Variants in ACOT7 observed in about 807,000 individuals in gnomAD.
ACOT7 encodes cytosolic acyl coenzyme A thioester hydrolase.
Under a neutral mutation model 40.2 loss-of-function variants are expected in ACOT7, and 12 were observed. The ratio of observed to expected loss-of-function variants is 0.30; its 90% CI spans 0.19 to 0.48. ACOT7 has a LOEUF of 0.48. Ranked by LOEUF, ACOT7 falls within the 20% of genes least tolerant of loss-of-function variation. The pLI, the probability that ACOT7 is intolerant of heterozygous loss-of-function variation, is 0.99. For synonymous variants in ACOT7, 228 were observed against 219.5 expected (o/e 1.04, Z -0.34); for missense variants, 395 against 530.8 (o/e 0.74, Z 2.51).
chr1:6,271,614 G>A (rs1411698634), intron 8 of ACOT7, among the ~76,000 whole-genome samples: 2 of 148,688 alleles, frequency 1.3e-5, no homozygotes, highest in Admixed American at 6.6e-5. Flanking sequence ...TCCGCCATCC[G>A]CTGTGGCCTC....
At chr1:6,300,705 C>T (rs992489910) in intron 6 of ACOT7, among the ~76,000 whole-genome samples, 6 of 127,948 alleles carry the variant, frequency 4.7e-5, no homozygotes, top group Admixed American at 3.7e-4. Context: ...CCCCTCCCCT[C>T]TCCACAAACA....
intron 1 of ACOT7, among the ~76,000 whole-genome samples, chr1:6,369,225 C>T (rs1264383370): frequency 2.6e-5 from 4 of 152,072 alleles, no homozygotes; most frequent in African/African-American, 9.7e-5. Flanking sequence ...AGGTGATCCA[C>T]CCACTTTGAC....
chr1:6,295,716 G>A (rs563142622), intron 6 of ACOT7, among the ~76,000 whole-genome samples: 2 of 152,314 alleles, frequency 1.3e-5, no homozygotes, highest in African/African-American at 4.8e-5. Flanking sequence ...AAACCCAGAA[G>A]AGGCAAGTCC....
chr1:6,351,378 G>A (rs998065722), intron 1 of ACOT7, among the ~76,000 whole-genome samples: 8 of 152,268 alleles, frequency 5.3e-5, no homozygotes, highest in South Asian at 4.1e-4. Context: ...GGCTTCTCAA[G>A]TGTTCATTTT....
In ACOT7 at chr1:6,311,232, C is replaced by G. The variant is rs953349584; in HGVS notation, c.712+7260G>C. ...GAGCAGAGTTAGTTTTTACTCAGAG[C>G]CGATGTGATCAGTAAACGTTGAGGT... On this transcript the variant is annotated intron_variant, in intron 6 of 8. Transcript: ENST00000361521. The surrounding 1 kb of genome is among the most constrained non-coding windows in gnomAD (Gnocchi z 5.2). Among the ~76,000 whole-genome samples, 1 of 152,180 alleles carries G rather than the reference C, an allele frequency of 6.6e-6. No homozygotes were observed. The highest frequency in any genetic ancestry group is 1.5e-5 in the Non-Finnish European group (1 of 68,030).
intron 6 of ACOT7, among the ~76,000 whole-genome samples, chr1:6,307,095 C>A (rs956597204): frequency 7.9e-5 from 12 of 152,212 alleles, no homozygotes; most frequent in Non-Finnish European, 1.6e-4. Flanking sequence ...TAGACACCTG[C>A]ATGGATGTTT....
At chr1:6,370,629 A>ACAGG (rs1170414698) in intron 1 of ACOT7, among the ~76,000 whole-genome samples, 4 of 150,976 alleles carry the variant, frequency 2.6e-5, no homozygotes, top group Non-Finnish European at 5.9e-5. Context: ...AGCTGGGATT[A>ACAGG]CAGGCATGCA....
intron 1 of ACOT7, among the ~76,000 whole-genome samples, chr1:6,375,436 C>T (rs562212420): frequency 4.0e-5 from 6 of 149,580 alleles, no homozygotes; most frequent in African/African-American, 1.5e-4. Context: ...GGGAGGTAGA[C>T]GCGGGCGGAT....
At chr1:6,323,737 A>ATATATAT (rs70981381) in intron 5 of ACOT7, among the ~76,000 whole-genome samples, 29 of 38,390 alleles carry the variant, frequency 7.6e-4, no homozygotes, top group Non-Finnish European at 1.3e-3. Context: ...AAAAAAAAAA[A>ATATATAT]ATATATATAT....
intron 7 of ACOT7, among the ~76,000 whole-genome samples, chr1:6,287,321 A>T (rs1639532684): frequency 6.6e-6 from 1 of 152,254 alleles, no homozygotes; most frequent in Admixed American, 6.5e-5. Flanking sequence ...CTGGTCCCAG[A>T]GACCAGCTGC....
chr1:6,313,811 C>CA (rs112424224), intron 6 of ACOT7, among the ~76,000 whole-genome samples: 15,171 of 142,020 alleles, frequency 0.11, 1,966 homozygotes, highest in African/African-American at 0.31. Flanking sequence ...ATTGTTAGTT[C>CA]AAAAAAAAAA....
intron 6 of ACOT7, chr1:6,295,288 C>A: frequency 4.2e-6 from 1 of 236,014 alleles, no homozygotes; most frequent in Non-Finnish European, 8.4e-6. Flanking sequence ...ACTGGGATGG[C>A]TGCAATCCTG....
intron 3 of ACOT7, among the ~76,000 whole-genome samples, chr1:6,334,672 T>TG (rs1332212394): frequency 6.6e-6 from 1 of 152,006 alleles, no homozygotes. Flanking sequence ...CAGAGCAAAG[T>TG]GGGGCTGCAG....
At position 6,368,827 on chromosome 1, in the gene ACOT7, T is replaced by C. The variant is rs575328429; in HGVS notation, c.144-18961A>G. On this transcript the variant is annotated intron_variant, in intron 1 of 8. Coordinates refer to ENST00000361521, the MANE Select transcript of ACOT7 (RefSeq NM_007274.4). ...CCACTGCTGCCACTGCTGCTGCCAC[T>C]GCTGCTCCCACAGCTGCTCCTGCCA... Among the ~76,000 whole-genome samples the C allele has an allele frequency of 3.9e-5, 6 of 152,178 alleles. No individual in the cohort carries two copies. In the South Asian group the frequency reaches 1.2e-3, roughly 32 times the overall value.
Position 6,333,570 on chromosome 1 carries a change from T to C in ACOT7, c.419-2A>G. On this transcript the variant is annotated splice_acceptor_variant, in intron 3 of 8. Transcript: ENST00000361521. LOFTEE classifies it high-confidence loss of function. ...CCTTATTGGTCAGCTTTTTGGCACC[T>C]TAAGAGAAGAAAATCACATTAAGTG... 1.2e-6 allele frequency: 2 copies of C among 1,614,140 alleles called. No individual in the cohort carries two copies. The highest frequency in any genetic ancestry group is 1.7e-6 in the Non-Finnish European group (2 of 1,179,972).
At chr1:6,365,637 G>A (rs903317854) in intron 1 of ACOT7, among the ~76,000 whole-genome samples, 6 of 151,630 alleles carry the variant, frequency 4.0e-5, no homozygotes, top group Admixed American at 1.3e-4. Context: ...GCATGGTAGT[G>A]GGCGCCTGTA....
chr1:6,310,919 G>C lies in ACOT7; in HGVS notation c.712+7573C>G, dbSNP rs1245760161. 1.3e-5 allele frequency among the ~76,000 whole-genome samples: 2 copies of C among 152,088 alleles called. 1 individual carries two copies. The highest frequency in any genetic ancestry group is 4.1e-4 in the South Asian group (2 of 4,828). On this transcript the variant is annotated intron_variant, in intron 6 of 8. Transcript: ENST00000361521. Reference sequence around the variant, plus strand: ...CACCTGGCTAATTTTTGTATTTTTAGTAGAGACGAGATTTCATCATGATGG... The same window carrying C: ...CACCTGGCTAATTTTTGTATTTTTACTAGAGACGAGATTTCATCATGATGG...
intron 5 of ACOT7, among the ~76,000 whole-genome samples, chr1:6,321,187 C>T (rs555730243): frequency 3.9e-5 from 6 of 152,334 alleles, no homozygotes; most frequent in African/African-American, 1.4e-4. Context: ...ATGGCCTCAT[C>T]CAAGCGGGCA....
intron 1 of ACOT7, among the ~76,000 whole-genome samples, chr1:6,361,636 G>C (rs7512532): frequency 0.35 from 53,427 of 151,906 alleles, 14,522 homozygotes; most frequent in African/African-American, 0.77. Context: ...CCCACCACTA[G>C]TGAAAAGAAA....
Sources: allele counts gnomAD v4.1 joint callset (sites outside exome capture counted in the v4.1 genomes callset), GRCh38; gene constraint gnomAD v4.1.1; non-coding constraint Gnocchi (gnomAD v3.1); transcripts MANE v1.5; gene names NCBI Gene and HGNC (gene_info 2026-07-23, HGNC 2026-07-21).